The following UGT3A1 variants were observed in gnomAD, a reference collection of about 807,000 sequenced individuals.
The protein encoded by UGT3A1 is UDP-glycosyltransferase 3A1.
UGT3A1 carries 40 observed loss-of-function variants against 37.6 expected under a neutral mutation model. The ratio of observed to expected loss-of-function variants is 1.06; its 90% CI spans 0.83 to 1.38. UGT3A1 has a LOEUF of 1.38. Ranked by LOEUF, UGT3A1 falls within the 40% of genes most tolerant of loss-of-function variation. The pLI is 0.00. For missense variants in UGT3A1, 642 were observed against 634.2 expected (o/e 1.01, Z -0.13); for synonymous variants, 256 against 232.3 (o/e 1.10, Z -0.93).
intron 2 of UGT3A1, among the ~76,000 whole-genome samples, chr5:35,984,517 G>T (rs1740654357): frequency 7.1e-6 from 1 of 141,212 alleles, no homozygotes; most frequent in Non-Finnish European, 1.5e-5. Context: ...CTATCACCCA[G>T]GCTGGAGTGC....
At chr5:35,983,504 C>G (rs1034193998) in intron 2 of UGT3A1, among the ~76,000 whole-genome samples, 3 of 151,940 alleles carry the variant, frequency 2.0e-5, no homozygotes, top group Non-Finnish European at 4.4e-5. Flanking sequence ...TCAAAGACTT[C>G]AAAACAATTA....
At chr5:36,000,505 G>A (rs992409805) in intron 1 of UGT3A1, among the ~76,000 whole-genome samples, 7 of 152,140 alleles carry the variant, frequency 4.6e-5, no homozygotes, top group Non-Finnish European at 1.0e-4. Context: ...TGCAAAATTA[G>A]AGGGTTTAGA....
At position 35,957,324 on chromosome 5, in the gene UGT3A1, G is replaced by A. The variant is rs2149949753; in HGVS notation, c.939C>T (p.Leu313=). 1.2e-6 allele frequency: 2 copies of A among 1,614,190 alleles called. No homozygotes were observed. Among genetic ancestry groups the A allele is most frequent in the Non-Finnish European group, 1.7e-6 (2 of 1,180,038 alleles). The change falls in exon 5 of 7, where the codon CTC becomes CTT. Residue 313 remains leucine, a synonymous_variant. Transcript: ENST00000274278. ...MLNTHQSQEV[L]KKMHNAFAHL... ...GGGCAAAGGCATTGTGCATCTTCTTGAGGACTTCCTGGGACTGATGGGTGT... is the reference window on the plus strand; with the variant it reads ...GGGCAAAGGCATTGTGCATCTTCTTAAGGACTTCCTGGGACTGATGGGTGT...
intron 2 of UGT3A1, among the ~76,000 whole-genome samples, chr5:35,969,083 T>C (rs1230079030): frequency 1.3e-5 from 2 of 152,148 alleles, no homozygotes; most frequent in African/African-American, 4.8e-5. Flanking sequence ...CCCAATCATA[T>C]ATCACCTCCC....
At chr5:35,972,881 T>C (rs1288712178) in intron 2 of UGT3A1, among the ~76,000 whole-genome samples, 1 of 92,792 alleles carries the variant, frequency 1.1e-5, no homozygotes, top group Non-Finnish European at 2.9e-5. Flanking sequence ...CTTCTTTGTC[T>C]GCCCTGAAAA....
At chr5:35,976,856 GAAGGA>G (rs1162096756) in intron 2 of UGT3A1, among the ~76,000 whole-genome samples, 1 of 145,504 alleles carries the variant, frequency 6.9e-6, no homozygotes, top group African/African-American at 2.5e-5. Flanking sequence ...AAAGAAAAAA[GAAGGA>G]AAGAAGGGAC....
intron 2 of UGT3A1, among the ~76,000 whole-genome samples, chr5:35,996,619 A>G (rs771243772): frequency 6.6e-6 from 1 of 152,208 alleles, no homozygotes; most frequent in Non-Finnish European, 1.5e-5. Context: ...CTCAACATCC[A>G]TAATGCCCAT....
Position 35,956,290 on chromosome 5 carries a change from G to A in UGT3A1, c.1076-426C>T, listed in dbSNP as rs371384073. ...TAATAAACCATACACTTCTACTTCC[G>A]TATTTCTAGTTCCTGTCTGCCTGTC... On this transcript the variant is annotated intron_variant, in intron 5 of 6. Transcript: ENST00000274278. 9.2e-5 allele frequency among the ~76,000 whole-genome samples: 14 copies of A among 152,282 alleles called. No individual in the cohort carries two copies. In the South Asian group the frequency reaches 1.7e-3, roughly 18 times the overall value.
At chr5:35,956,553 G>A (rs1182647185) in intron 5 of UGT3A1, among the ~76,000 whole-genome samples, 1 of 152,122 alleles carries the variant, frequency 6.6e-6, no homozygotes, top group South Asian at 2.1e-4. Context: ...TCAGTGAGAG[G>A]TCTCCAAAAA....
chr5:35,973,073 T>C (rs1445219565), intron 2 of UGT3A1, among the ~76,000 whole-genome samples: 2 of 152,198 alleles, frequency 1.3e-5, no homozygotes, highest in Non-Finnish European at 2.9e-5. Context: ...GGGCAGATCC[T>C]ATGAATCTGG....
chr5:35,999,354 G>A (rs1485266748), intron 1 of UGT3A1, among the ~76,000 whole-genome samples: 5 of 152,114 alleles, frequency 3.3e-5, no homozygotes, highest in Admixed American at 3.3e-4. Flanking sequence ...CACAGAATCA[G>A]GGTAACCAAT....
intron 2 of UGT3A1, among the ~76,000 whole-genome samples, chr5:35,984,805 A>G (rs1367243789): frequency 6.6e-6 from 1 of 152,118 alleles, no homozygotes; most frequent in Non-Finnish European, 1.5e-5. Flanking sequence ...TTCTAGACAA[A>G]TTTTTATTTT....
At chr5:35,980,491 A>G (rs560200027) in intron 2 of UGT3A1, among the ~76,000 whole-genome samples, 3 of 152,214 alleles carry the variant, frequency 2.0e-5, no homozygotes, top group Admixed American at 6.5e-5. Flanking sequence ...AGAAAAGTCA[A>G]GTTGGGATCT....
Position 35,951,223 on chromosome 5 carries a change from G to T in UGT3A1, c.*2979C>A, listed in dbSNP as rs541824037. The T allele has an allele frequency of 8.6e-5, 13 of 151,706 alleles. No homozygotes were observed. Among genetic ancestry groups the T allele is most frequent in the African/African-American group, 2.4e-4 (10 of 41,264 alleles). 9.4% of individuals were successfully genotyped at this position (151,706 alleles called of 1,614,324 possible). A position where few individuals can be genotyped will look rare whatever the true frequency, so the allele number is the denominator to read the frequency against. ...TATACTTGGTATGCAAAATATTAAC[G>T]TTTCCAAAATCCAAACTATGTAAAA... On this transcript the variant is annotated 3_prime_UTR_variant, in exon 7 of 7. Coordinates refer to ENST00000274278, the MANE Select transcript of UGT3A1 (RefSeq NM_152404.4).
Position 35,991,325 on chromosome 5 carries a change from C to A in UGT3A1, c.-85G>T. Reference sequence around the variant, plus strand: ...GGACTCTGTGCGCGCCTCAGTACTCCAAAGGCACTGGCTGTGGGCCTAGGA... The same window carrying A: ...GGACTCTGTGCGCGCCTCAGTACTCAAAAGGCACTGGCTGTGGGCCTAGGA... On this transcript the variant is annotated 5_prime_UTR_variant, in exon 1 of 7. Coordinates refer to ENST00000274278, the MANE Select transcript of UGT3A1 (RefSeq NM_152404.4). 1 of 1,585,642 alleles carries A rather than the reference C, an allele frequency of 6.3e-7. No individual in the cohort carries two copies. Among genetic ancestry groups the A allele is most frequent in the Non-Finnish European group, 8.6e-7 (1 of 1,165,838 alleles).
intron 2 of UGT3A1, among the ~76,000 whole-genome samples, chr5:35,986,881 A>G (rs538545966): frequency 9.1e-4 from 138 of 152,276 alleles, no homozygotes; most frequent in Non-Finnish European, 1.7e-3. Flanking sequence ...GCATATCCCA[A>G]TTACACTGAT....
rs1393487723 is a variant in UGT3A1 at position 35,957,298 on chromosome 5, T to G, written c.965A>C (p.His322Pro). Reference protein sequence around the residue: ...VLKKMHNAFAHLPQGVIWTCQ... With the variant: ...VLKKMHNAFAPLPQGVIWTCQ... The stretch of plus-strand genomic sequence containing the variant: ...TGTCCATATCACTCCTTGAGGGAGG[T>G]GGGCAAAGGCATTGTGCATCTTCTT... Residue 322 changes from histidine (H) to proline (P), a missense_variant, in exon 5 of 7, where the codon CAC (histidine) becomes CCC (proline). Physicochemically the swap from His to Pro is moderately conservative, Grantham distance 77 (BLOSUM62 -2). Coordinates refer to ENST00000274278, the MANE Select transcript of UGT3A1 (RefSeq NM_152404.4). 5.0e-6 allele frequency: 8 copies of G among 1,613,896 alleles called. No homozygotes were observed. Among genetic ancestry groups the G allele is most frequent in the Non-Finnish European group, 6.8e-6 (8 of 1,180,014 alleles).
intron 1 of UGT3A1, among the ~76,000 whole-genome samples, chr5:35,988,852 T>C (rs1304992428): frequency 6.6e-6 from 1 of 152,172 alleles, no homozygotes; most frequent in Non-Finnish European, 1.5e-5. Context: ...TGATTACGCC[T>C]GTAAAAGTTG....
At position 35,957,411 on chromosome 5, in the gene UGT3A1, G is replaced by T. The variant is rs370782310; in HGVS notation, c.852C>A (p.Asp284Glu). Residue 284 changes from aspartate to glutamate, a missense_variant, in exon 5 of 7, where the codon GAC becomes GAA. Physicochemically the swap from Asp to Glu is conservative, Grantham distance 45. Transcript: ENST00000274278. ...KPIKPVPQDL[D>E]NFIANFGDAG... The stretch of plus-strand genomic sequence containing the variant: ...CATCCCCAAAGTTGGCAATGAAGTT[G>T]TCCAAGTCCTAGAGAGAGATGACAA... 6 of 1,613,932 alleles carry T rather than the reference G, an allele frequency of 3.7e-6. No homozygotes were observed. Among genetic ancestry groups the T allele is most frequent in the Non-Finnish European group, 5.1e-6 (6 of 1,179,934 alleles).
Sources: gnomAD v4.1 joint callset for allele counts (sites outside exome capture counted in the v4.1 genomes callset) on GRCh38, gnomAD v4.1.1 for gene constraint, MANE v1.5 for transcripts, NCBI Gene and HGNC (gene_info 2026-07-23, HGNC 2026-07-21) for gene names.